TNRC6B: variants seen among roughly 807,000 people sequenced by gnomAD.
The protein encoded by TNRC6B is trinucleotide repeat containing adaptor 6B.
TNRC6B carries 52 observed loss-of-function variants against 203.6 expected under a neutral mutation model. The ratio of observed to expected loss-of-function variants is 0.26; its 90% confidence interval spans 0.20 to 0.32. TNRC6B has a LOEUF of 0.32. Among genes scored for constraint, TNRC6B ranks in the 10% least tolerant of loss-of-function variants. The probability of loss-of-function intolerance (pLI) is 1.00; values close to 1 mark genes in which losing one functional copy is unlikely to be tolerated. For missense variants in TNRC6B, 1,923 were observed against 2,286.2 expected (o/e 0.84, Z 3.24); for synonymous variants, 838 against 845.7 (o/e 0.99, Z 0.16).
chr22:40,070,703 A>G (rs778032617), intron 1 of TNRC6B, among the ~76,000 whole-genome samples: 1 of 152,212 alleles, frequency 6.6e-6, no homozygotes, highest in Non-Finnish European at 1.5e-5. Flanking sequence ...GGATCATTTT[A>G]ATAAAAACTC....
intron 2 of TNRC6B, among the ~76,000 whole-genome samples, chr22:40,125,374 A>G (rs2068481396): frequency 6.6e-6 from 1 of 152,172 alleles, no homozygotes; most frequent in African/African-American, 2.4e-5. Context: ...CCTAATACCC[A>G]GGCACTGTGA....
chr22:40,315,292 C>T lies in TNRC6B; in HGVS notation c.4688C>T (p.Pro1563Leu). Residue 1563 changes from proline (P) to leucine (L), a missense_variant, in exon 20 of 23, where the codon CCT (proline) becomes CTT (leucine). By Grantham distance (98) the Pro-to-Leu change is moderately conservative. This residue lies in a region of TNRC6B where 159 missense variants were observed against 181.0 expected (regional missense o/e 0.88). Coordinates refer to ENST00000454349, the MANE Select transcript of TNRC6B (RefSeq NM_001162501.2). ...TNVHSTSAKF[P>L]DYKSTWSPDP... ...TTTTCTCTTCTTACAGCAAAGTTCCCTGATTACAAATCAACATGGTCCCCA... is the reference window on the plus strand; with the variant it reads ...TTTTCTCTTCTTACAGCAAAGTTCCTTGATTACAAATCAACATGGTCCCCA... The T allele has an allele frequency of 1.2e-6, 2 of 1,613,904 alleles. No individual in the cohort carries two copies. The highest frequency in any genetic ancestry group is 1.7e-6 in the Non-Finnish European group (2 of 1,179,798).
rs149398399 is a variant in TNRC6B at position 40,122,358 on chromosome 22, G to A, written c.-46-3414G>A. Among the ~76,000 whole-genome samples, 772 of 152,068 alleles carry A rather than the reference G, an allele frequency of 5.1e-3. 5 individuals are homozygous for A. Among genetic ancestry groups the A allele is most frequent in the African/African-American group, 0.018 (738 of 41,470 alleles). ...ATGTGTGCCACTGGGCAGAGGGGCC[G>A]GGCTTAAAAAAAAAAGCTGTATTGG... On this transcript the variant is annotated intron_variant, in intron 2 of 23. Coordinates refer to the TNRC6B transcript ENST00000301923.
intron 1 of TNRC6B, among the ~76,000 whole-genome samples, chr22:40,090,130 C>T (rs1038744820): frequency 5.3e-5 from 8 of 152,172 alleles, no homozygotes; most frequent in Admixed American, 1.3e-4. Flanking sequence ...AAAAATAAAG[C>T]GGCTGCAAAC....
chr22:40,103,705 C>T (rs939844528), intron 1 of TNRC6B, among the ~76,000 whole-genome samples: 2 of 151,850 alleles, frequency 1.3e-5, no homozygotes, highest in African/African-American at 4.8e-5. Flanking sequence ...TGCAGTGGCA[C>T]GATCTTGGCT....
chr22:40,088,580 A>AC, intron 1 of TNRC6B, among the ~76,000 whole-genome samples: 1 of 83,238 alleles, frequency 1.2e-5, no homozygotes, highest in Non-Finnish European at 2.6e-5. Context: ...CCCGGCGGCT[A>AC]CTTTTGTGTG....
intron 4 of TNRC6B, among the ~76,000 whole-genome samples, chr22:40,169,882 T>C (rs2068955380): frequency 6.6e-6 from 1 of 152,200 alleles, no homozygotes; most frequent in Non-Finnish European, 1.5e-5. Context: ...ATTTATCTAT[T>C]TATTTTTGCT....
chr22:40,217,804 G>T (rs748096460), intron 1 of TNRC6B, among the ~76,000 whole-genome samples: 2 of 151,838 alleles, frequency 1.3e-5, no homozygotes, highest in Non-Finnish European at 2.9e-5. Context: ...GCAAAACCCT[G>T]TCTCTACTAA....
At chr22:40,131,985 G>C (rs1211799305) in intron 3 of TNRC6B, among the ~76,000 whole-genome samples, 1 of 152,182 alleles carries the variant, frequency 6.6e-6, no homozygotes, top group Non-Finnish European at 1.5e-5. Flanking sequence ...AGATAAAATT[G>C]AATCAAATTA....
intron 3 of TNRC6B, among the ~76,000 whole-genome samples, chr22:40,140,546 T>G (rs2068635919): frequency 6.6e-6 from 1 of 152,186 alleles, no homozygotes; most frequent in African/African-American, 2.4e-5. Context: ...ACCATACCAG[T>G]CCTTGACCAC....
At chr22:40,237,671 C>T (rs549837765) in intron 1 of TNRC6B, among the ~76,000 whole-genome samples, 1 of 152,260 alleles carries the variant, frequency 6.6e-6, no homozygotes, top group South Asian at 2.1e-4. Flanking sequence ...ACTTTCCCAT[C>T]TTAGGCCCTG....
intron 1 of TNRC6B, among the ~76,000 whole-genome samples, chr22:40,057,255 GTTGAT>G (rs1201898708): frequency 1.4e-5 from 2 of 147,368 alleles, no homozygotes; most frequent in Non-Finnish European, 3.0e-5. Context: ...TCCTAAAGGT[GTTGAT>G]TTATTAAATG....
intron 11 of TNRC6B, among the ~76,000 whole-genome samples, chr22:40,282,444 A>G (rs767687030): frequency 1.3e-4 from 20 of 152,208 alleles, no homozygotes; most frequent in Non-Finnish European, 2.4e-4. Flanking sequence ...ATGGATATAT[A>G]CTGTTTATAT....
At chr22:40,154,853 AAAAAAAAATATATAT>A (rs1405876783) in intron 3 of TNRC6B, among the ~76,000 whole-genome samples, 2 of 62,078 alleles carry the variant, frequency 3.2e-5, no homozygotes, top group African/African-American at 1.6e-4. Flanking sequence ...AAAAAAAAAA[AAAAAAAAATATATAT>A]ATATATATAT....
chr22:40,080,537 A>G (rs2068055989), intron 1 of TNRC6B, among the ~76,000 whole-genome samples: 1 of 152,154 alleles, frequency 6.6e-6, no homozygotes, highest in South Asian at 2.1e-4. Flanking sequence ...ATACAGTGAC[A>G]TTGAAGATTA....
intron 3 of TNRC6B, among the ~76,000 whole-genome samples, chr22:40,138,953 T>C (rs1236963034): frequency 6.6e-6 from 1 of 152,230 alleles, no homozygotes; most frequent in Non-Finnish European, 1.5e-5. Context: ...AGGTATACTT[T>C]ACATCCTATA....
chr22:40,262,074 G>C lies in TNRC6B; in HGVS notation c.358G>C (p.Gly120Arg), dbSNP rs1364059148. ...TCCACCGTCCTGCATGCTCCTTGGG[G>C]GTGGGGCAGGGCCTCCTCCCTGCAC... ...PPPPSCMLLG[G>R]GAGPPPCTAP... Residue 120 changes from glycine to arginine, a missense_variant, in exon 4 of 23, where the codon GGT (glycine) becomes CGT (arginine). Coordinates refer to ENST00000454349, the MANE Select transcript of TNRC6B (RefSeq NM_001162501.2). The C allele has an allele frequency of 6.3e-7, 1 of 1,578,718 alleles. No homozygotes were observed. Among genetic ancestry groups the C allele is most frequent in the South Asian group, 1.1e-5 (1 of 88,026 alleles).
intron 1 of TNRC6B, among the ~76,000 whole-genome samples, chr22:40,101,443 C>G (rs1389116385): frequency 6.6e-6 from 1 of 152,184 alleles, no homozygotes; most frequent in Non-Finnish European, 1.5e-5. Flanking sequence ...TATCAGGATT[C>G]CAAGTGCTGT....
chr22:40,158,233 G>C lies in TNRC6B; in HGVS notation c.113+2051G>C, dbSNP rs570044082. On this transcript the variant is annotated intron_variant, in intron 4 of 23. Transcript: ENST00000301923. ...ACACGCCTGTAATCCCAGCTACTTA[G>C]GAGGCTGAGGCAGGAGAATTGCTTG... 2.2e-3 allele frequency among the ~76,000 whole-genome samples: 338 copies of C among 152,130 alleles called. 1 individual carries two copies. The highest frequency in any genetic ancestry group is 3.2e-3 in the Non-Finnish European group (216 of 67,984).
Sources: gnomAD v4.1 joint callset for allele counts (sites outside exome capture counted in the v4.1 genomes callset) on GRCh38, gnomAD v4.1.1 for gene constraint, gnomAD v4.1.1 regional missense constraint, MANE v1.5 for transcripts, NCBI Gene and HGNC (gene_info 2026-07-23, HGNC 2026-07-21) for gene names.